Variants in PDZD7 observed in about 807,000 individuals in gnomAD.
PDZD7 encodes PDZ domain containing 7.
In PDZD7, 72 loss-of-function variants were observed where a neutral mutation model predicts 84.7. That is an observed-to-expected ratio of 0.85 (90% confidence interval 0.70 to 1.03). The LOEUF is 1.03. PDZD7 is among the 50% of genes least tolerant of loss of function. The probability of loss-of-function intolerance (pLI) is 0.00; values close to 1 mark genes in which losing one functional copy is unlikely to be tolerated. For synonymous variants in PDZD7, 594 were observed against 580.7 expected, an observed-to-expected ratio of 1.02 and a Z score of -0.33; for missense variants, 1,490 against 1,412.9, an observed-to-expected ratio of 1.05 and a Z score of -0.87.
At chr10:101,013,613 T>C (rs79298976) in intron 11 of PDZD7, among the ~76,000 whole-genome samples, 2,431 of 152,328 alleles carry the variant, frequency 0.016, 69 homozygotes, top group African/African-American at 0.055. Context: ...AGAGCCTCCC[T>C]GCAGGGCTGC....
intron 2 of PDZD7, among the ~76,000 whole-genome samples, chr10:101,026,137 A>G (rs1436386041): frequency 6.6e-6 from 1 of 151,508 alleles, no homozygotes; most frequent in Non-Finnish European, 1.5e-5. Flanking sequence ...GTCGGGGAAG[A>G]ATTTTTTTTT....
chr10:101,022,272 T>A lies in PDZD7; in HGVS notation c.656A>T (p.Asp219Val). ...ACGGATGTTGAAGCCCAGGCAGAAG[T>A]CGTCGGAGGTTGTGTATAGGTGGAC... Reference protein sequence around the residue: ...RIVHLYTTSDDFCLGFNIRGG... With the variant: ...RIVHLYTTSDVFCLGFNIRGG... Residue 219 changes from aspartate (D) to valine (V), a missense_variant, in exon 5 of 17, where the codon GAC becomes GTC. Transcript: ENST00000619208. The A allele has an allele frequency of 6.2e-7, 1 of 1,614,186 alleles. No individual in the cohort carries two copies. Among genetic ancestry groups the A allele is most frequent in the Non-Finnish European group, 8.5e-7 (1 of 1,180,034 alleles).
intron 15 of PDZD7, among the ~76,000 whole-genome samples, chr10:101,009,762 C>T (rs1464941393): frequency 1.3e-5 from 2 of 151,998 alleles, no homozygotes; most frequent in African/African-American, 4.8e-5. Flanking sequence ...CATGTGCCAA[C>T]ATGTCAGGCT....
At chr10:101,009,431 C>T (rs866142894) in intron 15 of PDZD7, 81 bp from the exon 16 acceptor site, 3 of 1,159,092 alleles carry the variant, frequency 2.6e-6, no homozygotes, top group Middle Eastern at 1.9e-4. Context: ...AGAATCCCAT[C>T]CCCAAATCCA....
intron 8 of PDZD7, 55 bp downstream of exon 8, chr10:101,018,765 GAC>G: frequency 1.3e-6 from 2 of 1,510,354 alleles, no homozygotes; most frequent in South Asian, 1.3e-5. Flanking sequence ...CAGGATGTGA[GAC>G]AGGTTTTGGA....
Position 101,030,034 on chromosome 10 carries a change from C to T in PDZD7, c.186G>A (p.Ser62=), listed in dbSNP as rs1470737254. 6.2e-7 allele frequency: 1 copy of T among 1,607,968 alleles called. No homozygotes were observed. Among genetic ancestry groups the T allele is most frequent in the Non-Finnish European group, 8.5e-7 (1 of 1,177,398 alleles). ...NGPPRGIRAS[S]PMGRVILINS... is the part of the protein sequence containing the mutation. ...TGATGAGGATGACGCGTCCCATGGG[C>T]GATGAGGCTCGGATTCCGCGGGGGG... is the stretch of plus-strand genomic sequence containing the variant. The change falls in exon 2 of 17, where the codon TCG becomes TCA. Residue 62 remains serine (S), a synonymous_variant. Coordinates refer to ENST00000619208, the MANE Select transcript of PDZD7 (RefSeq NM_001195263.2).
rs1239925275 is a variant in PDZD7 at position 101,007,886 on chromosome 10, C to CCT, written c.*580_*581insAG. On this transcript the variant is annotated 3_prime_UTR_variant, in exon 17 of 17. Transcript: ENST00000619208. The stretch of plus-strand genomic sequence containing the variant: ...CAGGAACTTGTTTGACCCCCCCCCC[C>CCT]CCACCATTTGCTGGCTATTCTCCTC... The CCT allele has an allele frequency of 1.1e-3, 98 of 89,250 alleles. 3 individuals are homozygous for CCT. Among genetic ancestry groups the CCT allele is most frequent in the South Asian group, 4.2e-3 (8 of 1,912 alleles). 5.5% of individuals were successfully genotyped at this position (89,250 alleles called of 1,614,324 possible). A position where few individuals can be genotyped will look rare whatever the true frequency, so the allele number is the denominator to read the frequency against.
chr10:101,023,558 G>C lies in PDZD7; in HGVS notation c.420C>G (p.Ser140Arg). 1 of 1,613,938 alleles carries C rather than the reference G, an allele frequency of 6.2e-7. No homozygotes were observed. The highest frequency in any genetic ancestry group is 8.5e-7 in the Non-Finnish European group (1 of 1,180,026). ...CGCTACCCATGGTGGTGCTCTCCAG[G>C]CTCAGCCCATTCACCTCCGTGATCT... ...GDKITEVNGL[S>R]LESTTMGSAV... is the part of the protein sequence containing the mutation. Residue 140 changes from serine (S) to arginine (R), a missense_variant, in exon 4 of 17, where the codon AGC becomes AGG. By Grantham distance (110) the Ser-to-Arg change is moderately radical. Transcript: ENST00000619208.
At chr10:101,024,154 G>A in intron 2 of PDZD7, 86 bp from the exon 3 acceptor site, 1 of 1,601,004 alleles carries the variant, frequency 6.2e-7, no homozygotes. Context: ...GCCTGCAAAG[G>A]CTAGGTTGCT....
At chr10:101,014,690 A>ACAC (rs1156958223) in intron 11 of PDZD7, among the ~76,000 whole-genome samples, 1 of 151,484 alleles carries the variant, frequency 6.6e-6, no homozygotes, top group Non-Finnish European at 1.5e-5. Context: ...ACACACACAC[A>ACAC]CACACGCTAG....
rs1005793057 is a variant in PDZD7, at chr10:101,007,680, A to G, written c.*787T>C. The G allele has an allele frequency of 9.4e-7, 1 of 1,061,760 alleles. No individual in the cohort carries two copies. Among genetic ancestry groups the G allele is most frequent in the Admixed American group, 5.4e-5 (1 of 18,376 alleles). 65.8% of individuals were successfully genotyped at this position (1,061,760 alleles called of 1,614,324 possible). On this transcript the variant is annotated 3_prime_UTR_variant, in exon 17 of 17. Coordinates refer to ENST00000619208, the MANE Select transcript of PDZD7 (RefSeq NM_001195263.2). ...GGGGCTGAAGTCAGACCAAAGGAAGAACTCAGAAATGTCTTGTTTATTTGT... is the reference window on the plus strand; with the variant it reads ...GGGGCTGAAGTCAGACCAAAGGAAGGACTCAGAAATGTCTTGTTTATTTGT...
intron 4 of PDZD7, chr10:101,023,001 A>G (rs1240236366): frequency 9.3e-6 from 2 of 215,390 alleles, no homozygotes; most frequent in Non-Finnish European, 1.8e-5. Flanking sequence ...TGAACTCCCA[A>G]CCTCAGGTGA....
At position 101,007,875 on chromosome 10, in the gene PDZD7, A is replaced by ACCCCCCCCCCCCCC. The variant is rs60039986; in HGVS notation, c.*591_*592insGGGGGGGGGGGGGG. The ACCCCCCCCCCCCCC allele has an allele frequency of 8.4e-5, 2 of 23,766 alleles. No homozygotes were observed. Among genetic ancestry groups the ACCCCCCCCCCCCCC allele is most frequent in the Non-Finnish European group, 1.4e-4 (2 of 14,438 alleles). 1.5% of individuals were successfully genotyped at this position (23,766 alleles called of 1,614,324 possible). On this transcript the variant is annotated 3_prime_UTR_variant, in exon 17 of 17. Coordinates refer to ENST00000619208, the MANE Select transcript of PDZD7 (RefSeq NM_001195263.2). ...GATAAAGAGTACAGGAACTTGTTTG[A>ACCCCCCCCCCCCCC]CCCCCCCCCCCCCACCATTTGCTGG...
Position 101,008,211 on chromosome 10 carries a change from A to G in PDZD7, c.*256T>C, listed in dbSNP as rs886481841. 3 of 508,134 alleles carry G rather than the reference A, an allele frequency of 5.9e-6. No individual in the cohort carries two copies. Among genetic ancestry groups the G allele is most frequent in the South Asian group, 4.1e-5 (1 of 24,586 alleles). The allele number at this position is 508,134 out of a possible 1,614,324, so 31.5% of individuals were successfully genotyped here. A position where few individuals can be genotyped will look rare whatever the true frequency, so the allele number is the denominator to read the frequency against. ...CCAGACCTTGGCTTTCTCACCCCCT[A>G]TCCTGGCTTGGGAGGTTGGGGAGCA... On this transcript the variant is annotated 3_prime_UTR_variant, in exon 17 of 17. Coordinates refer to ENST00000619208, the MANE Select transcript of PDZD7 (RefSeq NM_001195263.2).
chr10:101,007,689 A>C lies in PDZD7; in HGVS notation c.*778T>G. 9.5e-7 allele frequency: 1 copy of C among 1,049,562 alleles called. No individual in the cohort carries two copies. The highest frequency in any genetic ancestry group is 1.2e-6 in the Non-Finnish European group (1 of 860,438). The allele number at this position is 1,049,562 out of a possible 1,614,324, so 65.0% of individuals were successfully genotyped here. On this transcript the variant is annotated 3_prime_UTR_variant, in exon 17 of 17. Coordinates refer to ENST00000619208, the MANE Select transcript of PDZD7 (RefSeq NM_001195263.2). ...GTCAGACCAAAGGAAGAACTCAGAA[A>C]TGTCTTGTTTATTTGTGTTTGTGAC...
intron 11 of PDZD7, 122 bp downstream of exon 11, chr10:101,015,514 A>G (rs996664676): frequency 1.7e-6 from 2 of 1,170,964 alleles, no homozygotes; most frequent in South Asian, 1.6e-5. Flanking sequence ...TTCTGATTTT[A>G]CTGACCACTA....
At chr10:101,029,771 C>G (rs1937962247) in intron 2 of PDZD7, among the ~76,000 whole-genome samples, 1 of 152,224 alleles carries the variant, frequency 6.6e-6, no homozygotes, top group Non-Finnish European at 1.5e-5. Context: ...TTTCCCTCCT[C>G]TGACCCTTCT....
At chr10:101,011,798 C>G in intron 13 of PDZD7, 37 bp from the exon 14 acceptor site, 1 of 1,550,408 alleles carries the variant, frequency 6.4e-7, no homozygotes, top group South Asian at 1.2e-5. Context: ...GGCAAGGTAC[C>G]CCGCCAGGCT....
chr10:101,014,724 C>T, intron 11 of PDZD7, among the ~76,000 whole-genome samples: 1 of 138,156 alleles, frequency 7.2e-6, no homozygotes. Context: ...TGCTCACATG[C>T]ACACACACAC....
Sources: allele counts gnomAD v4.1 joint callset (sites outside exome capture counted in the v4.1 genomes callset), GRCh38; gene constraint gnomAD v4.1.1; transcripts MANE v1.5; gene names NCBI Gene and HGNC (gene_info 2026-07-23, HGNC 2026-07-21).